Variants in IL1RAPL1 observed in about 807,000 individuals in gnomAD.
IL1RAPL1 encodes the protein interleukin-1 receptor accessory protein-like 1.
In IL1RAPL1, 3 loss-of-function variants were observed where a neutral mutation model predicts 48.4. That is an observed-to-expected ratio of 0.06 (90% confidence interval 0.03 to 0.16). The LOEUF is 0.16. Among genes scored for constraint, IL1RAPL1 ranks in the 10% least tolerant of loss-of-function variants. The pLI, the probability that IL1RAPL1 is intolerant of heterozygous loss-of-function variation, is 1.00. For missense variants in IL1RAPL1, 349 were observed against 530.6 expected (o/e 0.66, Z 3.36); for synonymous variants, 185 against 187.7 (o/e 0.99, Z 0.12).
rs138245151 is a variant in IL1RAPL1, at chrX:28,833,047, A to G, written c.82+43622A>G. 1.4e-4 allele frequency among the ~76,000 whole-genome samples: 16 copies of G among 110,461 alleles called. 1 individual carries two copies. The East Asian group carries it at 4.6e-3, about 32-fold the overall frequency. On this transcript the variant is annotated intron_variant, in intron 2 of 10. Coordinates refer to ENST00000378993, the MANE Select transcript of IL1RAPL1 (RefSeq NM_014271.4). ...ACCCAATGTTTAACTTCCACTTATA[A>G]GCGAGAACATGTGGTACTTGGTTTT...
At chrX:28,696,588 C>A (rs1935234673) in intron 1 of IL1RAPL1, among the ~76,000 whole-genome samples, 1 of 111,394 alleles carries the variant, frequency 9.0e-6, no homozygotes, top group Non-Finnish European at 1.9e-5. Context: ...TTCCAATTAA[C>A]CTGATTTGAT....
At chrX:29,741,935 G>GAA (rs1182352727) in intron 6 of IL1RAPL1, among the ~76,000 whole-genome samples, 34 of 61,823 alleles carry the variant, frequency 5.5e-4, no homozygotes, top group African/African-American at 1.7e-3. Context: ...AAAAAAAAAA[G>GAA]AAAAAAAAAA....
intron 1 of IL1RAPL1, among the ~76,000 whole-genome samples, chrX:28,690,917 C>T (rs145855096): frequency 3.1e-4 from 35 of 111,535 alleles, no homozygotes; most frequent in African/African-American, 1.1e-3. Context: ...CTACATTCCA[C>T]TGCTATCACC....
intron 2 of IL1RAPL1, among the ~76,000 whole-genome samples, chrX:28,980,178 G>A (rs1247326800): frequency 8.9e-6 from 1 of 112,321 alleles, no homozygotes; most frequent in Admixed American, 9.4e-5. Flanking sequence ...TCCGTCACTT[G>A]GCTGGAGCTC....
intron 5 of IL1RAPL1, among the ~76,000 whole-genome samples, chrX:29,513,304 C>T (rs1421490306): frequency 9.0e-6 from 1 of 111,270 alleles, no homozygotes; most frequent in Admixed American, 9.6e-5. Flanking sequence ...TGATTATCAC[C>T]TACATAATGC....
chrX:29,608,823 C>T (rs1291320268), intron 5 of IL1RAPL1, among the ~76,000 whole-genome samples: 1 of 109,485 alleles, frequency 9.1e-6, no homozygotes, highest in Non-Finnish European at 1.9e-5. Flanking sequence ...GAGACTCCGT[C>T]TCAAAAAAAT....
intron 2 of IL1RAPL1, among the ~76,000 whole-genome samples, chrX:29,095,365 T>C (rs1292483706): frequency 9.0e-6 from 1 of 111,381 alleles, no homozygotes; most frequent in Non-Finnish European, 1.9e-5. Flanking sequence ...TTTACATTGC[T>C]ATAATTCAGT....
chrX:29,277,832 T>G (rs778240138), intron 2 of IL1RAPL1, among the ~76,000 whole-genome samples: 7 of 112,168 alleles, frequency 6.2e-5, no homozygotes, highest in Non-Finnish European at 1.1e-4. Context: ...ATAAAATTGA[T>G]TTATGTTTCA....
chrX:29,234,697 G>C lies in IL1RAPL1; in HGVS notation c.83-48241G>C, dbSNP rs1043808935. On this transcript the variant is annotated intron_variant, in intron 2 of 10. Coordinates refer to ENST00000378993, the MANE Select transcript of IL1RAPL1 (RefSeq NM_014271.4). ...AAAATGCTTCAGCATACAGGTTCTA[G>C]AGTAAAACCTTGGGTTTAGATTTCA... is the stretch of plus-strand genomic sequence containing the variant. 7.1e-5 allele frequency among the ~76,000 whole-genome samples: 8 copies of C among 112,050 alleles called. No individual in the cohort carries two copies. In the East Asian group the frequency reaches 2.2e-3, roughly 31 times the overall value.
rs747363216 is a variant in IL1RAPL1 at position 29,483,348 on chromosome X, G to A, written c.703+84040G>A. On this transcript the variant is annotated intron_variant, in intron 5 of 10. Transcript: ENST00000378993. ...GAGGAAGTAATGTATGGCCTTCCAC[G>A]TGGATTAATTTCACTCTCTATCCTG... Among the ~76,000 whole-genome samples, 102 of 111,627 alleles carry A rather than the reference G, an allele frequency of 9.1e-4. 2 individuals are homozygous for A. Among genetic ancestry groups the A allele is most frequent in the African/African-American group, 2.8e-3 (85 of 30,734 alleles).
At chrX:29,622,468 G>A (rs1241177801) in intron 5 of IL1RAPL1, among the ~76,000 whole-genome samples, 1 of 111,939 alleles carries the variant, frequency 8.9e-6, no homozygotes, top group Non-Finnish European at 1.9e-5. Flanking sequence ...GGATGGGTAG[G>A]TATAGACATG....
At chrX:28,962,466 ATCCTGGTAGTAAGACTTTTGTTTAATTT>A (rs1924804859) in intron 2 of IL1RAPL1, among the ~76,000 whole-genome samples, 1 of 111,407 alleles carries the variant, frequency 9.0e-6, no homozygotes, top group Non-Finnish European at 1.9e-5. Context: ...GAGACCCAGA[ATCCTGGTAGTAAGACTTTTGTTTAATTT>A]TTTTCTCCCA....
At position 29,500,702 on chromosome X, in the gene IL1RAPL1, TTATC is replaced by T. The variant is rs1244134756; in HGVS notation, c.703+101395_703+101398del. On this transcript the variant is annotated intron_variant, in intron 5 of 10. Transcript: ENST00000378993. ...TATATGTATATATGTCACATTTTAT[TTATC>T]CATTCATCTATTGATGGGTACCTAC... Among the ~76,000 whole-genome samples the T allele has an allele frequency of 3.6e-5, 4 of 112,387 alleles. No homozygotes were observed. The Admixed American group carries it at 3.8e-4, about 11-fold the overall frequency.
chrX:28,768,685 GTCTCTCTCTCTCTCTGTT>G (rs1569168355), intron 1 of IL1RAPL1, among the ~76,000 whole-genome samples: 3 of 37,833 alleles, frequency 7.9e-5, no homozygotes, highest in Non-Finnish European at 5.4e-5. Flanking sequence ...GGCTCTCTCT[GTCTCTCTCTCTCTCTGTT>G]TCTCTCTCTC....
intron 6 of IL1RAPL1, among the ~76,000 whole-genome samples, chrX:29,683,154 G>A (rs138467566): frequency 2.1e-3 from 233 of 112,138 alleles, no homozygotes; most frequent in African/African-American, 7.3e-3. Flanking sequence ...AAATTGGTTC[G>A]CTAGTTCCAT....
chrX:29,198,444 C>T (rs1050568252), intron 2 of IL1RAPL1, among the ~76,000 whole-genome samples: 5 of 109,703 alleles, frequency 4.6e-5, no homozygotes, highest in African/African-American at 1.7e-4. Context: ...TACAGGTGTC[C>T]GCCACGACAC....
intron 1 of IL1RAPL1, among the ~76,000 whole-genome samples, chrX:28,723,246 T>TCA (rs1339230946): frequency 9.0e-6 from 1 of 111,044 alleles, no homozygotes; most frequent in Non-Finnish European, 1.9e-5. Flanking sequence ...ATTGGTAGGC[T>TCA]ATTAATTATT....
intron 6 of IL1RAPL1, among the ~76,000 whole-genome samples, chrX:29,731,975 CT>C (rs34538259): frequency 0.49 from 54,360 of 110,964 alleles, 10,743 homozygotes; most frequent in African/African-American, 0.75. Context: ...GGCTCCTTTA[CT>C]TTCCTTCAGC....
At chrX:29,362,891 G>A in intron 3 of IL1RAPL1, among the ~76,000 whole-genome samples, 1 of 112,009 alleles carries the variant, frequency 8.9e-6, no homozygotes, top group Admixed American at 9.5e-5. Flanking sequence ...TATATTGGGG[G>A]ATTTATTTTA....
Sources: gnomAD v4.1 joint callset for allele counts (sites outside exome capture counted in the v4.1 genomes callset) on GRCh38, gnomAD v4.1.1 for gene constraint, MANE v1.5 for transcripts, NCBI Gene and HGNC (gene_info 2026-07-23, HGNC 2026-07-21) for gene names.